Variants in OTUD7A observed in about 807,000 individuals in gnomAD.
The protein encoded by OTUD7A is OTU domain-containing protein 7A.
In OTUD7A, 12 loss-of-function variants were observed where a neutral mutation model predicts 65.7. The observed-to-expected ratio is 0.18, with a 90% CI of 0.12 to 0.30. The LOEUF is 0.30. Ranked by LOEUF, OTUD7A falls within the 10% of genes least tolerant of loss-of-function variation. The probability of loss-of-function intolerance (pLI) is 1.00; values close to 1 mark genes in which losing one functional copy is unlikely to be tolerated. For synonymous variants in OTUD7A, 641 were observed against 586.3 expected (o/e 1.09, Z -1.35); for missense variants, 1,148 against 1,304.8 (o/e 0.88, Z 1.85).
At chr15:31,863,869 T>C (rs1354986370) in intron 1 of OTUD7A, among the ~76,000 whole-genome samples, 1 of 152,190 alleles carries the variant, frequency 6.6e-6, no homozygotes, top group East Asian at 1.9e-4. Context: ...GGCTGCAAAT[T>C]TTCTGAACTT....
intron 8 of OTUD7A, among the ~76,000 whole-genome samples, chr15:31,515,196 G>A (rs2041824973): frequency 6.6e-6 from 1 of 152,188 alleles, no homozygotes; most frequent in Non-Finnish European, 1.5e-5. Flanking sequence ...AGGGGGCAGT[G>A]CTGGAAAGAG....
intron 3 of OTUD7A, among the ~76,000 whole-genome samples, chr15:31,602,154 A>G (rs1170152938): frequency 6.6e-6 from 1 of 152,222 alleles, no homozygotes; most frequent in Non-Finnish European, 1.5e-5. Flanking sequence ...ACAACAAAAA[A>G]AGAAAATTTC....
chr15:31,789,776 G>A (rs1895766402), intron 1 of OTUD7A, among the ~76,000 whole-genome samples: 1 of 145,478 alleles, frequency 6.9e-6, no homozygotes, highest in East Asian at 2.0e-4. Flanking sequence ...CGCGATCTCT[G>A]CTCACTGCAA....
chr15:31,507,585 G>C (rs1035796741), intron 8 of OTUD7A, among the ~76,000 whole-genome samples: 62 of 152,126 alleles, frequency 4.1e-4, no homozygotes, highest in African/African-American at 1.4e-3. Flanking sequence ...AAAGAACAAA[G>C]GTTCTAAACC....
At chr15:31,501,517 C>T (rs1195802522) in intron 10 of OTUD7A, among the ~76,000 whole-genome samples, 173 bp downstream of exon 10, 5 of 152,140 alleles carry the variant, frequency 3.3e-5, no homozygotes, top group Admixed American at 6.5e-5. Context: ...TCAATGAAAA[C>T]GTTCACACAT....
intron 3 of OTUD7A, among the ~76,000 whole-genome samples, chr15:31,628,592 A>G (rs1048531286): frequency 4.6e-5 from 7 of 152,184 alleles, no homozygotes; most frequent in Non-Finnish European, 8.8e-5. Flanking sequence ...TTTTGGTTCC[A>G]TATCAACTTT....
intron 3 of OTUD7A, among the ~76,000 whole-genome samples, chr15:31,600,249 G>A (rs1332141235): frequency 6.6e-6 from 1 of 152,158 alleles, no homozygotes; most frequent in Non-Finnish European, 1.5e-5. Flanking sequence ...GTTAAGGGCA[G>A]CCAGAGAGAA....
intron 5 of OTUD7A, among the ~76,000 whole-genome samples, chr15:31,532,762 G>T (rs141495050): frequency 6.6e-6 from 1 of 151,666 alleles, no homozygotes; most frequent in African/African-American, 2.4e-5. Context: ...GTGAAACCCC[G>T]TCTCTACCAA....
intron 3 of OTUD7A, among the ~76,000 whole-genome samples, chr15:31,582,560 A>G (rs1193917727): frequency 1.3e-5 from 2 of 152,196 alleles, no homozygotes; most frequent in African/African-American, 4.8e-5. Flanking sequence ...GTGAATGAGG[A>G]GCAAAGTCAA....
chr15:31,552,107 G>C (rs1888343659), intron 5 of OTUD7A, among the ~76,000 whole-genome samples: 1 of 152,126 alleles, frequency 6.6e-6, no homozygotes, highest in Admixed American at 6.5e-5. Context: ...TTGTTAAAAA[G>C]AGTCTGGCAC....
chr15:31,731,416 G>A (rs1163391074), intron 1 of OTUD7A, among the ~76,000 whole-genome samples: 2 of 152,130 alleles, frequency 1.3e-5, no homozygotes, highest in South Asian at 2.1e-4. Flanking sequence ...ATAAGGCCAC[G>A]GAGAAAACTT....
chr15:31,677,099 G>C (rs943065634), intron 1 of OTUD7A, among the ~76,000 whole-genome samples: 27 of 152,282 alleles, frequency 1.8e-4, no homozygotes, highest in Admixed American at 3.9e-4. Context: ...TGGAAGGAAC[G>C]TGAGCCATTT....
intron 8 of OTUD7A, among the ~76,000 whole-genome samples, chr15:31,516,115 G>A (rs1004308548): frequency 3.2e-4 from 49 of 152,328 alleles, no homozygotes; most frequent in African/African-American, 1.1e-3. Context: ...GCCCAGCATG[G>A]AGCCTCCTGG....
At chr15:31,701,442 T>C (rs1893211734) in intron 1 of OTUD7A, among the ~76,000 whole-genome samples, 1 of 151,754 alleles carries the variant, frequency 6.6e-6, no homozygotes, top group South Asian at 2.1e-4. Flanking sequence ...TTTAAAAAGA[T>C]GACACAAATG....
intron 5 of OTUD7A, among the ~76,000 whole-genome samples, chr15:31,538,116 C>T (rs1887866217): frequency 6.6e-6 from 1 of 152,190 alleles, no homozygotes. Flanking sequence ...AACAGGAGAC[C>T]TGCTGGGGCT....
chr15:31,795,503 A>G (rs1458335823), intron 1 of OTUD7A, among the ~76,000 whole-genome samples: 1 of 152,108 alleles, frequency 6.6e-6, no homozygotes, highest in Non-Finnish European at 1.5e-5. Context: ...AAAATCGGAG[A>G]GGTGTAGCTA....
chr15:31,528,009 G>T (rs976112394), intron 6 of OTUD7A, among the ~76,000 whole-genome samples: 1 of 152,190 alleles, frequency 6.6e-6, no homozygotes, highest in Non-Finnish European at 1.5e-5. Flanking sequence ...AAACACAGGG[G>T]AATCCATCCA....
intron 3 of OTUD7A, among the ~76,000 whole-genome samples, chr15:31,616,153 C>T (rs1259923016): frequency 1.3e-5 from 2 of 152,216 alleles, no homozygotes; most frequent in African/African-American, 4.8e-5. Context: ...GCACTCCATC[C>T]CTTTTGTTTC....
chr15:31,725,496 C>T (rs1013921965), intron 1 of OTUD7A, among the ~76,000 whole-genome samples: 2 of 152,182 alleles, frequency 1.3e-5, no homozygotes, highest in African/African-American at 2.4e-5. Context: ...GACTTTGAGG[C>T]TGATGAGACT....
Sources: allele counts gnomAD v4.1 joint callset (sites outside exome capture counted in the v4.1 genomes callset), GRCh38; gene constraint gnomAD v4.1.1; transcripts MANE v1.5; gene names NCBI Gene and HGNC (gene_info 2026-07-23, HGNC 2026-07-21).